The following TP53I13 variants were observed in gnomAD, a reference collection of about 807,000 sequenced individuals.
TP53I13 encodes tumor protein p53 inducible protein 13, also known as tumor protein p53-inducible protein 13.
TP53I13 carries 27 observed loss-of-function variants against 39.1 expected under a neutral mutation model. That is an observed-to-expected ratio of 0.69 (90% CI 0.51 to 0.95). The LOEUF (loss-of-function observed/expected upper bound fraction) is 0.95, where lower values mean the gene tolerates loss of function less well. Ranked by LOEUF, TP53I13 falls within the 40% of genes least tolerant of loss-of-function variation. TP53I13 has a pLI of 0.00. For missense variants in TP53I13, 544 were observed against 520.4 expected, an observed-to-expected ratio of 1.05 and a Z score of -0.44; for synonymous variants, 230 against 224.6, an observed-to-expected ratio of 1.02 and a Z score of -0.22.
Position 29,568,757 on chromosome 17 carries a change from G to A in TP53I13, c.-2G>A. 6.3e-7 allele frequency: 1 copy of A among 1,581,030 alleles called. No homozygotes were observed. The highest frequency in any genetic ancestry group is 8.5e-7 in the Non-Finnish European group (1 of 1,172,330). Reference sequence around the variant, plus strand: ...GGCGGGCCGGGCCCGGGGCCGCTTGGAATGGCGCCTCCTCCGCCTTCGCCC... The same window carrying A: ...GGCGGGCCGGGCCCGGGGCCGCTTGAAATGGCGCCTCCTCCGCCTTCGCCC... On this transcript the variant is annotated 5_prime_UTR_variant, in exon 1 of 7. Coordinates refer to ENST00000301057, the MANE Select transcript of TP53I13 (RefSeq NM_138349.4). This position sits in a 1 kb window ranked among gnomAD's most constrained non-coding sequence, Gnocchi z 4.5.
At chr17:29,568,361 A>T (rs973712422), upstream of TP53I13, 2 of 151,984 alleles carry the variant, frequency 1.3e-5, no homozygotes, top group African/African-American at 4.8e-5. This position sits in a 1 kb window ranked among gnomAD's most constrained non-coding sequence, Gnocchi z 4.5. Flanking sequence ...CAGGGATTCC[A>T]TTTCCGGCCT....
intron 3 of TP53I13, 116 bp downstream of exon 3, chr17:29,569,475 C>A: frequency 2.0e-6 from 2 of 1,015,906 alleles, no homozygotes; most frequent in Non-Finnish European, 2.9e-6. Flanking sequence ...TTCCCTCAGG[C>A]AGAGGCAGGG....
chr17:29,577,641 T>TC (rs2033260429), downstream of TP53I13: 1 of 1,586,282 alleles, frequency 6.3e-7, no homozygotes. Flanking sequence ...TCCAGCCCCC[T>TC]CACCTGATTC....
At chr17:29,575,780 C>T, downstream of TP53I13, 1 of 1,605,740 alleles carries the variant, frequency 6.2e-7, no homozygotes, top group Non-Finnish European at 8.5e-7. The surrounding 1 kb of genome is among the most constrained non-coding windows in gnomAD (Gnocchi z 5.5). Flanking sequence ...GGCCCCCAGC[C>T]ACCCTGTGGG....
downstream of TP53I13, chr17:29,575,786 G>T (rs764425684): frequency 6.2e-7 from 1 of 1,611,120 alleles, no homozygotes; most frequent in South Asian, 1.1e-5. The surrounding 1 kb of genome is among the most constrained non-coding windows in gnomAD (Gnocchi z 5.5). Flanking sequence ...CAGCCACCCT[G>T]TGGGCACTGG....
At chr17:29,581,443 C>A in the TP53I13 span, 17 of 1,276,250 alleles carry the variant, frequency 1.3e-5, no homozygotes, top group Non-Finnish European at 1.9e-5. The surrounding 1 kb of genome is among the most constrained non-coding windows in gnomAD (Gnocchi z 4.8). Flanking sequence ...AGCTGGGAGC[C>A]CACCTCACTG....
chr17:29,578,190 C>A, the TP53I13 span: 2 of 911,646 alleles, frequency 2.2e-6, no homozygotes, highest in African/African-American at 3.2e-5. Context: ...CTGCAGGCCT[C>A]TGAGCAGCCC....
At chr17:29,568,537 G>A (rs563476589), upstream of TP53I13, 195 of 161,468 alleles carry the variant, frequency 1.2e-3, no homozygotes, top group African/African-American at 4.2e-3. This position sits in a 1 kb window ranked among gnomAD's most constrained non-coding sequence, Gnocchi z 4.5. Flanking sequence ...TCCGGCTTCG[G>A]GTTTAAGACG....
the TP53I13 span, chr17:29,581,460 G>A: frequency 9.1e-7 from 1 of 1,098,636 alleles, no homozygotes; most frequent in South Asian, 1.2e-5. The surrounding 1 kb of genome is among the most constrained non-coding windows in gnomAD (Gnocchi z 4.8). Flanking sequence ...ACTGCCATGA[G>A]CAGGGCTGGC....
chr17:29,572,897 C>T lies in TP53I13; in HGVS notation c.1155C>T (p.Ser385=), dbSNP rs1214492441. The change falls in exon 7 of 7, where the codon AGC becomes AGT. Residue 385 remains serine (S), a synonymous_variant. Coordinates refer to ENST00000301057, the MANE Select transcript of TP53I13 (RefSeq NM_138349.4). ...RRPLLPPTPD[S]GPEGESSE ...CCCTCCTCCCGCCCACGCCGGACAG[C>T]GGCCCGGAAGGCGAGAGCTCGGAGT... 3 of 1,510,296 alleles carry T rather than the reference C, an allele frequency of 2.0e-6. No homozygotes were observed. The highest frequency in any genetic ancestry group is 2.6e-5 in the East Asian group (1 of 38,534). 93.6% of individuals were successfully genotyped at this position (1,510,296 alleles called of 1,614,324 possible).
At chr17:29,579,156 C>T in the TP53I13 span, 1 of 629,760 alleles carries the variant, frequency 1.6e-6, no homozygotes, top group Non-Finnish European at 2.9e-6. Context: ...ACCCCTCCTC[C>T]TCTGGCTTGC....
intron 3 of TP53I13, 76 bp downstream of exon 3, chr17:29,569,435 G>A: frequency 6.8e-7 from 1 of 1,461,408 alleles, no homozygotes; most frequent in Non-Finnish European, 9.4e-7. Context: ...TTCGCTGCCT[G>A]TTCTGCTGAT....
Position 29,569,089 on chromosome 17 carries a change from A to G in TP53I13, c.141+3A>G. Reference sequence around the variant, plus strand: ...GCCTGTGGCCTCTGCCTCCGCAGGTAGGAGCCCTGGAGGGCCCAGGGAGAG... The same window carrying G: ...GCCTGTGGCCTCTGCCTCCGCAGGTGGGAGCCCTGGAGGGCCCAGGGAGAG... On this transcript the variant is annotated splice_donor_region_variant and intron_variant, in intron 2 of 6. Coordinates refer to ENST00000301057, the MANE Select transcript of TP53I13 (RefSeq NM_138349.4). 6.3e-7 allele frequency: 1 copy of G among 1,590,914 alleles called. No individual in the cohort carries two copies. Among genetic ancestry groups the G allele is most frequent in the Non-Finnish European group, 8.6e-7 (1 of 1,168,956 alleles).
chr17:29,578,983 C>A, the TP53I13 span: 1 of 1,613,930 alleles, frequency 6.2e-7, no homozygotes, highest in African/African-American at 1.3e-5. Flanking sequence ...GCACTTTTGC[C>A]GAGATCTAAG....
At chr17:29,578,095 G>A (rs1732523903), downstream of TP53I13, among the ~76,000 whole-genome samples, 2 of 152,196 alleles carry the variant, frequency 1.3e-5, no homozygotes, top group South Asian at 2.1e-4. Context: ...GAGGCTGGGG[G>A]AGGAGCACGC....
downstream of TP53I13, chr17:29,576,898 G>A (rs753551521): frequency 8.9e-6 from 14 of 1,576,922 alleles, no homozygotes; most frequent in Admixed American, 1.1e-4. Context: ...CCGGTGCTGC[G>A]CAGGGGCTCC....
At chr17:29,570,966 A>G (rs533535734) in intron 3 of TP53I13, 2 of 152,386 alleles carry the variant, frequency 1.3e-5, no homozygotes, top group East Asian at 1.9e-4. Context: ...CTCTGAATCT[A>G]TCTCTGATAA....
In TP53I13 at chr17:29,572,831, G is replaced by T. The variant is rs1325935031; in HGVS notation, c.1089G>T (p.Leu363=). 3.8e-5 allele frequency: 58 copies of T among 1,528,530 alleles called. No individual in the cohort carries two copies. Among genetic ancestry groups the T allele is most frequent in the Non-Finnish European group, 4.9e-5 (56 of 1,143,196 alleles). The allele number at this position is 1,528,530 out of a possible 1,614,324, so 94.7% of individuals were successfully genotyped here. A position where few individuals can be genotyped will look rare whatever the true frequency, so the allele number is the denominator to read the frequency against. Reference sequence around the variant, plus strand: ...CCACAGCTGTGCTGAAGCGGAGGCTGCTGCAGCCCTCGCGCCGGGTCAAGC... The same window carrying T: ...CCACAGCTGTGCTGAAGCGGAGGCTTCTGCAGCCCTCGCGCCGGGTCAAGC... The part of the protein sequence containing the change: ...DTVAAVLKRR[L]LQPSRRVKRS... The change falls in exon 7 of 7, where the codon CTG becomes CTT. Residue 363 remains leucine (L), a synonymous_variant. Coordinates refer to ENST00000301057, the MANE Select transcript of TP53I13 (RefSeq NM_138349.4).
the TP53I13 span, chr17:29,581,814 C>G: frequency 6.2e-7 from 1 of 1,612,718 alleles, no homozygotes; most frequent in Non-Finnish European, 8.5e-7. This position sits in a 1 kb window ranked among gnomAD's most constrained non-coding sequence, Gnocchi z 4.8. Flanking sequence ...AGCCTTTCCG[C>G]CAGCTCATGG....
Sources: gnomAD v4.1 joint callset for allele counts (sites outside exome capture counted in the v4.1 genomes callset) on GRCh38, gnomAD v4.1.1 for gene constraint, Gnocchi (gnomAD v3.1) non-coding constraint, MANE v1.5 for transcripts, NCBI Gene and HGNC (gene_info 2026-07-23, HGNC 2026-07-21) for gene names.